PPP3CA: variants seen among roughly 807,000 people sequenced by gnomAD.
PPP3CA encodes protein phosphatase 3 catalytic subunit alpha.
In PPP3CA, 14 loss-of-function variants were observed where a neutral mutation model predicts 66.5. The observed-to-expected ratio is 0.21, with a 90% confidence interval of 0.14 to 0.33. PPP3CA has a LOEUF of 0.33. PPP3CA is among the 10% of genes least tolerant of loss of function. The probability of loss-of-function intolerance (pLI) is 1.00; values close to 1 mark genes in which losing one functional copy is unlikely to be tolerated. For synonymous variants in PPP3CA, 232 were observed against 226.2 expected, an observed-to-expected ratio of 1.03 and a Z score of -0.23; for missense variants, 317 against 639.5, an observed-to-expected ratio of 0.50 and a Z score of 5.44.
At chr4:101,069,745 G>A (rs1291244398) in intron 8 of PPP3CA, among the ~76,000 whole-genome samples, 1 of 152,112 alleles carries the variant, frequency 6.6e-6, no homozygotes, top group Non-Finnish European at 1.5e-5. Context: ...TGAAGAAGAC[G>A]AGGATGAAAA....
intron 2 of PPP3CA, among the ~76,000 whole-genome samples, chr4:101,191,599 T>C (rs1406854914): frequency 6.6e-6 from 1 of 152,156 alleles, no homozygotes; most frequent in Non-Finnish European, 1.5e-5. Context: ...TTTATCTCCA[T>C]ATAAACTAAG....
chr4:101,063,696 T>C (rs1260385103), intron 8 of PPP3CA, among the ~76,000 whole-genome samples: 1 of 151,978 alleles, frequency 6.6e-6, no homozygotes. Context: ...ATGACACTAA[T>C]AAAAGTGGCA....
intron 1 of PPP3CA, among the ~76,000 whole-genome samples, chr4:101,235,041 G>A (rs1726082394): frequency 6.6e-6 from 1 of 151,698 alleles, no homozygotes; most frequent in African/African-American, 2.4e-5. Context: ...CTACTAGTGA[G>A]TGAATCAGAT....
At chr4:101,251,018 T>C (rs1412634910) in intron 1 of PPP3CA, among the ~76,000 whole-genome samples, 2 of 152,074 alleles carry the variant, frequency 1.3e-5, no homozygotes, top group Non-Finnish European at 2.9e-5. Context: ...GAGAATAATG[T>C]TTTCAATTTT....
intron 1 of PPP3CA, among the ~76,000 whole-genome samples, chr4:101,323,242 C>T (rs2110324397): frequency 6.6e-6 from 1 of 152,210 alleles, no homozygotes; most frequent in South Asian, 2.1e-4. Context: ...GTAGGTGTTC[C>T]TCAAATAGAG....
chr4:101,279,882 A>G (rs1337797031), intron 1 of PPP3CA, among the ~76,000 whole-genome samples: 1 of 152,190 alleles, frequency 6.6e-6, no homozygotes. Context: ...TTCCTTTAAG[A>G]ATAAGGGGCT....
intron 1 of PPP3CA, chr4:101,250,437 T>C (rs1258846540): frequency 2.3e-6 from 1 of 438,694 alleles, no homozygotes; most frequent in African/African-American, 2.0e-5. Flanking sequence ...TAATAGATTA[T>C]TGTTATGTTA....
At chr4:101,305,760 C>A (rs973071370) in intron 1 of PPP3CA, among the ~76,000 whole-genome samples, 1 of 152,114 alleles carries the variant, frequency 6.6e-6, no homozygotes, top group Non-Finnish European at 1.5e-5. Flanking sequence ...ATGCAGAAAA[C>A]AGCAGGTTAT....
At chr4:101,091,668 A>G (rs1245710919) in intron 6 of PPP3CA, among the ~76,000 whole-genome samples, 1 of 151,878 alleles carries the variant, frequency 6.6e-6, no homozygotes, top group Admixed American at 6.6e-5. Context: ...CATCAGATCA[A>G]CGTCCTATAG....
intron 1 of PPP3CA, among the ~76,000 whole-genome samples, chr4:101,248,182 G>A (rs1468812294): frequency 2.0e-5 from 3 of 152,100 alleles, no homozygotes; most frequent in Non-Finnish European, 4.4e-5. Context: ...CGTTCCTTCC[G>A]TCTCTAACAT....
At chr4:101,206,504 G>T (rs1342841599) in intron 1 of PPP3CA, among the ~76,000 whole-genome samples, 4 of 152,154 alleles carry the variant, frequency 2.6e-5, no homozygotes, top group Non-Finnish European at 1.5e-5. Context: ...TAAATTTTGT[G>T]CATAAAAGAA....
intron 1 of PPP3CA, among the ~76,000 whole-genome samples, chr4:101,251,676 G>A (rs1297122991): frequency 6.6e-6 from 1 of 152,084 alleles, no homozygotes; most frequent in Non-Finnish European, 1.5e-5. Context: ...AACTAAAGGT[G>A]TATACTAACC....
At chr4:101,264,311 C>A (rs879411830) in intron 1 of PPP3CA, among the ~76,000 whole-genome samples, 3 of 151,990 alleles carry the variant, frequency 2.0e-5, no homozygotes, top group Non-Finnish European at 4.4e-5. Context: ...CACTGTAGCT[C>A]ACAGTTGCAT....
intron 1 of PPP3CA, among the ~76,000 whole-genome samples, chr4:101,239,862 C>T (rs1180169772): frequency 1.3e-5 from 2 of 151,978 alleles, no homozygotes; most frequent in African/African-American, 4.8e-5. Context: ...AGGCATCTCA[C>T]TCTTTAGATA....
At chr4:101,207,405 T>G (rs1725166237) in intron 1 of PPP3CA, among the ~76,000 whole-genome samples, 1 of 152,160 alleles carries the variant, frequency 6.6e-6, no homozygotes. Context: ...TCAGAAGTAG[T>G]TCAGGGGGAC....
intron 2 of PPP3CA, among the ~76,000 whole-genome samples, chr4:101,149,392 T>C (rs1723064017): frequency 6.6e-6 from 1 of 152,098 alleles, no homozygotes; most frequent in Admixed American, 6.5e-5. Flanking sequence ...AAGAAATTGG[T>C]TTCATTCTCT....
At chr4:101,345,947 G>A (rs1729970929) in intron 1 of PPP3CA, among the ~76,000 whole-genome samples, 1 of 152,204 alleles carries the variant, frequency 6.6e-6, no homozygotes, top group Non-Finnish European at 1.5e-5. Context: ...GGTCGGCGGG[G>A]GACAGCCGGG....
At chr4:101,297,098 T>C (rs1728222269) in intron 1 of PPP3CA, among the ~76,000 whole-genome samples, 1 of 152,190 alleles carries the variant, frequency 6.6e-6, no homozygotes, top group African/African-American at 2.4e-5. Flanking sequence ...TAATACATAA[T>C]GATAAAACAG....
intron 1 of PPP3CA, among the ~76,000 whole-genome samples, chr4:101,333,419 C>G (rs367926747): frequency 6.6e-6 from 1 of 151,230 alleles, no homozygotes; most frequent in Non-Finnish European, 1.5e-5. Context: ...AGCCACTGCA[C>G]CCGGCCTCAA....
Sources: gnomAD v4.1 joint callset for allele counts (sites outside exome capture counted in the v4.1 genomes callset) on GRCh38, gnomAD v4.1.1 for gene constraint, MANE v1.5 for transcripts, NCBI Gene and HGNC (gene_info 2026-07-23, HGNC 2026-07-21) for gene names.